Variants in CSPP1 observed in about 807,000 individuals in gnomAD.
The protein encoded by CSPP1 is centrosome and spindle pole associated protein 1, also known as centrosome and spindle pole-associated protein 1.
Under a neutral mutation model 164.4 loss-of-function variants are expected in CSPP1, and 126 were observed. That is an observed-to-expected ratio of 0.77 (90% CI 0.66 to 0.89). The LOEUF (loss-of-function observed/expected upper bound fraction) is 0.89, where lower values mean the gene tolerates loss of function less well. Ranked by LOEUF, CSPP1 falls within the 40% of genes least tolerant of loss-of-function variation. CSPP1 has a pLI of 0.00. For missense variants in CSPP1, 1,395 were observed against 1,449.8 expected, an observed-to-expected ratio of 0.96 and a Z score of 0.61; for synonymous variants, 472 against 476.7, an observed-to-expected ratio of 0.99 and a Z score of 0.13.
intron 3 of CSPP1, among the ~76,000 whole-genome samples, chr8:67,085,222 G>T (rs1358652570): frequency 1.3e-5 from 2 of 151,970 alleles, no homozygotes; most frequent in African/African-American, 2.4e-5. Flanking sequence ...TGAATTGAAT[G>T]CTTAAAATGA....
chr8:67,144,994 C>A (rs1824227120), intron 17 of CSPP1, among the ~76,000 whole-genome samples: 1 of 151,060 alleles, frequency 6.6e-6, no homozygotes, highest in South Asian at 2.1e-4. Flanking sequence ...ATCATTTGAA[C>A]CCAGGAGGTG....
At chr8:67,162,592 TTAAG>T (rs1010475044) in intron 22 of CSPP1, among the ~76,000 whole-genome samples, 3 of 152,202 alleles carry the variant, frequency 2.0e-5, no homozygotes, top group African/African-American at 7.2e-5. Context: ...ATTGTAATAT[TTAAG>T]TAGGGGAATG....
intron 24 of CSPP1, among the ~76,000 whole-genome samples, chr8:67,165,866 G>C (rs1301715112): frequency 1.3e-5 from 2 of 152,160 alleles, no homozygotes; most frequent in Non-Finnish European, 2.9e-5. Flanking sequence ...GAGTGAGAAG[G>C]GGGTGGAATT....
At chr8:67,102,609 G>C (rs1008206162) in intron 7 of CSPP1, among the ~76,000 whole-genome samples, 1 of 152,046 alleles carries the variant, frequency 6.6e-6, no homozygotes, top group Non-Finnish European at 1.5e-5. Flanking sequence ...AAGGTTATAC[G>C]TACAATGAAA....
chr8:67,159,953 C>CTTTTCTTTTCTTTTCTTTT, intron 21 of CSPP1, among the ~76,000 whole-genome samples: 1 of 29,152 alleles, frequency 3.4e-5, no homozygotes, highest in East Asian at 1.1e-3. Context: ...TTCCTTCCTT[C>CTTTTCTTTTCTTTTCTTTT]CTTCTTTCTT....
chr8:67,107,992 T>TG (rs1460725129), intron 9 of CSPP1, among the ~76,000 whole-genome samples: 2 of 150,678 alleles, frequency 1.3e-5, no homozygotes, highest in African/African-American at 2.4e-5. Flanking sequence ...AGTTTTTTTT[T>TG]TTTTTTTTTG....
intron 19 of CSPP1, among the ~76,000 whole-genome samples, 179 bp downstream of exon 19, chr8:67,154,315 A>G (rs1429293604): frequency 6.6e-6 from 1 of 152,170 alleles, no homozygotes; most frequent in Non-Finnish European, 1.5e-5. Flanking sequence ...GGAAATAAAC[A>G]GATGTATTAA....
At chr8:67,117,565 C>G (rs566561992) in intron 13 of CSPP1, among the ~76,000 whole-genome samples, 1 of 152,314 alleles carries the variant, frequency 6.6e-6, no homozygotes, top group African/African-American at 2.4e-5. Flanking sequence ...TTATGAAATA[C>G]TTAAAGATTG....
intron 9 of CSPP1, among the ~76,000 whole-genome samples, chr8:67,109,395 G>T (rs1406808204): frequency 6.6e-6 from 1 of 152,096 alleles, no homozygotes; most frequent in African/African-American, 2.4e-5. Flanking sequence ...TCTTCTAAGG[G>T]CTTTCACCTG....
intron 21 of CSPP1, among the ~76,000 whole-genome samples, chr8:67,159,840 TTC>T (rs1264332565): frequency 7.7e-6 from 1 of 129,560 alleles, no homozygotes; most frequent in East Asian, 2.1e-4. Context: ...CTTTCTTTCT[TTC>T]TTTCTTTCTT....
chr8:67,118,840 G>A lies in CSPP1; in HGVS notation c.1697+19G>A. The A allele has an allele frequency of 6.4e-7, 1 of 1,563,900 alleles. No individual in the cohort carries two copies. On this transcript the variant is annotated intron_variant, in intron 15 of 30. Transcript: ENST00000678616. ...CTGTTGTGTAAGTTATTAGTTAAAAGAATAATTTTTTCCCCACTTTTATTT... is the reference window on the plus strand; with the variant it reads ...CTGTTGTGTAAGTTATTAGTTAAAAAAATAATTTTTTCCCCACTTTTATTT...
At chr8:67,078,604 G>T (rs543788568) in intron 3 of CSPP1, among the ~76,000 whole-genome samples, 126 of 152,116 alleles carry the variant, frequency 8.3e-4, no homozygotes, top group Middle Eastern at 6.8e-3. Flanking sequence ...CAAGCCATCC[G>T]CCTGCCTCGG....
intron 15 of CSPP1, among the ~76,000 whole-genome samples, chr8:67,122,170 A>G (rs1431186351): frequency 1.3e-5 from 2 of 151,254 alleles, no homozygotes; most frequent in East Asian, 3.9e-4. Flanking sequence ...TTTTCAAATA[A>G]CAAACTATTG....
At chr8:67,172,308 A>T in intron 24 of CSPP1, 108 bp from the exon 25 acceptor site, 2 of 799,612 alleles carry the variant, frequency 2.5e-6, no homozygotes, top group Non-Finnish European at 4.0e-6. Flanking sequence ...GTAATTTTTT[A>T]ATAATATGAT....
At chr8:67,133,638 A>C (rs1821689381) in intron 16 of CSPP1, 1 of 152,188 alleles carries the variant, frequency 6.6e-6, no homozygotes, top group Non-Finnish European at 1.5e-5. Context: ...TGGCTGTGGC[A>C]ATTTCTTAAA....
chr8:67,096,401 C>T (rs888099514), intron 7 of CSPP1, among the ~76,000 whole-genome samples: 2 of 151,942 alleles, frequency 1.3e-5, no homozygotes, highest in African/African-American at 4.8e-5. Flanking sequence ...CCTGTCTCTA[C>T]TAAAAATACA....
At chr8:67,125,889 G>A (rs1464353407) in intron 15 of CSPP1, among the ~76,000 whole-genome samples, 1 of 152,154 alleles carries the variant, frequency 6.6e-6, no homozygotes, top group Non-Finnish European at 1.5e-5. Context: ...CTGGAGTGCA[G>A]TGGCCTGATC....
intron 15 of CSPP1, among the ~76,000 whole-genome samples, chr8:67,121,686 A>T (rs920022235): frequency 6.6e-6 from 1 of 152,128 alleles, no homozygotes; most frequent in Non-Finnish European, 1.5e-5. Context: ...GGAATTAGGA[A>T]GTGTTCCCTC....
chr8:67,130,117 T>C (rs888447537), intron 15 of CSPP1, among the ~76,000 whole-genome samples: 1 of 152,210 alleles, frequency 6.6e-6, no homozygotes, highest in Non-Finnish European at 1.5e-5. Flanking sequence ...GGGAGTTCCA[T>C]GGGGCTCACT....
Sources: allele counts gnomAD v4.1 joint callset (sites outside exome capture counted in the v4.1 genomes callset), GRCh38; gene constraint gnomAD v4.1.1; transcripts MANE v1.5; gene names NCBI Gene and HGNC (gene_info 2026-07-23, HGNC 2026-07-21).